Variants in SNTG1 observed in about 807,000 individuals in gnomAD.
SNTG1 encodes the protein syntrophin gamma 1, also known as gamma-1-syntrophin.
In SNTG1, 39 loss-of-function variants were observed where a neutral mutation model predicts 74.7. That is an observed-to-expected ratio of 0.52 (90% CI 0.40 to 0.68). SNTG1 has a LOEUF of 0.68. SNTG1 is among the 30% of genes least tolerant of loss of function. The probability of loss-of-function intolerance (pLI) is 0.00; values close to 1 mark genes in which losing one functional copy is unlikely to be tolerated. For missense variants in SNTG1, 685 were observed against 609.5 expected (o/e 1.12, Z -1.30); for synonymous variants, 254 against 217.1 (o/e 1.17, Z -1.49).
chr8:50,607,830 CAT>C (rs1196191888), intron 13 of SNTG1, among the ~76,000 whole-genome samples: 1 of 151,444 alleles, frequency 6.6e-6, no homozygotes, highest in Non-Finnish European at 1.5e-5. Flanking sequence ...TTCAGCCTAA[CAT>C]ATGTTTTAAA....
rs572547706 is a variant in SNTG1, at chr8:50,707,738, T to C, written c.1192-1148T>C. Reference sequence around the variant, plus strand: ...CTCTATTTCTCTCTCATCTTGTACATGGATCACAAATATTTTTCATGATTG... The same window carrying C: ...CTCTATTTCTCTCTCATCTTGTACACGGATCACAAATATTTTTCATGATTG... On this transcript the variant is annotated intron_variant, in intron 16 of 18. Coordinates refer to ENST00000642720, the MANE Select transcript of SNTG1 (RefSeq NM_018967.5). Among the ~76,000 whole-genome samples, 314 of 152,306 alleles carry C rather than the reference T, an allele frequency of 2.1e-3. 2 individuals are homozygous for C. The highest frequency in any genetic ancestry group is 3.2e-3 in the Non-Finnish European group (221 of 68,016).
chr8:50,293,881 A>C lies in SNTG1; in HGVS notation c.-27-100331A>C, dbSNP rs140468619. On this transcript the variant is annotated intron_variant, in intron 2 of 18. Coordinates refer to ENST00000642720, the MANE Select transcript of SNTG1 (RefSeq NM_018967.5). ...TTATGGGAGCTGTGACTTGAAAAAA[A>C]ATAAAAATATCTTCAGAAATAATTC... is the stretch of plus-strand genomic sequence containing the variant. Among the ~76,000 whole-genome samples the C allele has an allele frequency of 8.6e-3, 1,311 of 152,292 alleles. 22 individuals are homozygous for C. Among genetic ancestry groups the C allele is most frequent in the African/African-American group, 0.03 (1,244 of 41,562 alleles).
At chr8:50,283,908 C>T (rs929347219) in intron 2 of SNTG1, among the ~76,000 whole-genome samples, 3 of 152,074 alleles carry the variant, frequency 2.0e-5, no homozygotes, top group African/African-American at 7.2e-5. Context: ...CACACAGTAT[C>T]GTTTATGATT....
At chr8:50,351,580 A>G (rs181847287) in intron 2 of SNTG1, among the ~76,000 whole-genome samples, 102 of 152,332 alleles carry the variant, frequency 6.7e-4, no homozygotes, top group Non-Finnish European at 1.2e-3. Flanking sequence ...ATAGGCTACT[A>G]CATGGAAATA....
chr8:50,669,212 AT>A (rs1179181975), intron 15 of SNTG1, among the ~76,000 whole-genome samples: 1 of 142,828 alleles, frequency 7.0e-6, no homozygotes, highest in Admixed American at 7.1e-5. Flanking sequence ...GGAAATAGAG[AT>A]TTAAAAAAAA....
chr8:50,200,654 G>A (rs1235287305), intron 2 of SNTG1, among the ~76,000 whole-genome samples: 1 of 152,096 alleles, frequency 6.6e-6, no homozygotes, highest in South Asian at 2.1e-4. Context: ...AGAGGAGCAA[G>A]GATTGGAAGC....
At chr8:50,405,898 G>A (rs551922164) in intron 4 of SNTG1, among the ~76,000 whole-genome samples, 1 of 151,964 alleles carries the variant, frequency 6.6e-6, no homozygotes, top group Non-Finnish European at 1.5e-5. Flanking sequence ...ATATAAGGGG[G>A]TATTTGTGGC....
chr8:49,938,603 T>TTTCTTTTCTTTCTTTCTTTC (rs10629764), intron 1 of SNTG1, among the ~76,000 whole-genome samples: 9 of 74,754 alleles, frequency 1.2e-4, no homozygotes, highest in African/African-American at 3.6e-4. Flanking sequence ...TTTTCTTTTC[T>TTTCTTTTCTTTCTTTCTTTC]TTTCTTTCTT....
At chr8:50,489,326 T>C (rs2093828869) in intron 8 of SNTG1, among the ~76,000 whole-genome samples, 1 of 152,208 alleles carries the variant, frequency 6.6e-6, no homozygotes, top group Non-Finnish European at 1.5e-5. Flanking sequence ...ATATTTCTTG[T>C]TCTAGATCCT....
chr8:50,095,351 C>T (rs1189484362), intron 1 of SNTG1, among the ~76,000 whole-genome samples: 2 of 152,124 alleles, frequency 1.3e-5, no homozygotes, highest in African/African-American at 4.8e-5. Context: ...AGTTTAAGGA[C>T]TGAAACCTTT....
Position 50,517,099 on chromosome 8 carries a change from C to T in SNTG1, c.467-13078C>T, listed in dbSNP as rs139530720. On this transcript the variant is annotated intron_variant, in intron 9 of 18. Coordinates refer to ENST00000642720, the MANE Select transcript of SNTG1 (RefSeq NM_018967.5). ...CCATCAGACTAACAGCAGATGTCTC[C>T]GCAGAAACTCAACAAGCCAGAAGAG... is the stretch of plus-strand genomic sequence containing the variant. Among the ~76,000 whole-genome samples the T allele has an allele frequency of 1.7e-3, 257 of 152,204 alleles. 2 individuals carry two copies. Among genetic ancestry groups the T allele is most frequent in the Middle Eastern group, 0.01 (3 of 294 alleles).
intron 13 of SNTG1, among the ~76,000 whole-genome samples, chr8:50,604,547 G>T (rs1343193869): frequency 6.6e-6 from 1 of 152,136 alleles, no homozygotes; most frequent in African/African-American, 2.4e-5. Context: ...AGGCAGGGGA[G>T]TTCTGCCAGG....
intron 4 of SNTG1, among the ~76,000 whole-genome samples, chr8:50,428,701 A>C (rs115306424): frequency 0.027 from 4,125 of 152,244 alleles, 75 homozygotes; most frequent in South Asian, 0.08. Flanking sequence ...GGAATGAATC[A>C]AAGGGAATGA....
chr8:50,669,137 C>A (rs6989683), intron 15 of SNTG1, among the ~76,000 whole-genome samples: 1 of 151,346 alleles, frequency 6.6e-6, no homozygotes, highest in African/African-American at 2.4e-5. Context: ...ACTAGAAAAG[C>A]GAGAGCAAAC....
intron 2 of SNTG1, among the ~76,000 whole-genome samples, chr8:50,248,147 G>A (rs907266308): frequency 2.0e-5 from 3 of 152,016 alleles, no homozygotes; most frequent in Admixed American, 2.0e-4. Flanking sequence ...GATTAGTTCT[G>A]CAAACACCTT....
chr8:50,662,188 C>T (rs528220138), intron 15 of SNTG1, among the ~76,000 whole-genome samples: 15 of 152,266 alleles, frequency 9.9e-5, no homozygotes, highest in African/African-American at 3.4e-4. Context: ...CTGATGCAAG[C>T]TGTGCAAGTT....
At chr8:50,166,154 A>C (rs2082609826) in intron 1 of SNTG1, among the ~76,000 whole-genome samples, 1 of 34,676 alleles carries the variant, frequency 2.9e-5, no homozygotes, top group Admixed American at 3.5e-4. Flanking sequence ...GTTAGACCTA[A>C]AACCATAAAA....
chr8:50,426,106 T>A (rs1435298474), intron 4 of SNTG1, among the ~76,000 whole-genome samples: 2 of 152,184 alleles, frequency 1.3e-5, no homozygotes, highest in Non-Finnish European at 2.9e-5. Flanking sequence ...GTAAGTTGGT[T>A]ACAGTGAATG....
At chr8:49,950,147 A>T (rs1307126997) in intron 1 of SNTG1, among the ~76,000 whole-genome samples, 3 of 152,210 alleles carry the variant, frequency 2.0e-5, no homozygotes, top group Admixed American at 6.5e-5. Context: ...CAATAAAAAA[A>T]AATAATTATT....
Sources: allele counts gnomAD v4.1 joint callset (sites outside exome capture counted in the v4.1 genomes callset), GRCh38; gene constraint gnomAD v4.1.1; transcripts MANE v1.5; gene names NCBI Gene and HGNC (gene_info 2026-07-23, HGNC 2026-07-21).